The following C4BPA variants were observed in gnomAD, a reference collection of about 807,000 sequenced individuals.
C4BPA encodes the protein complement component 4 binding protein alpha, also known as C4b-binding protein alpha chain.
In C4BPA, 31 loss-of-function variants were observed where a neutral mutation model predicts 63.7. The ratio of observed to expected loss-of-function variants is 0.49; its 90% CI spans 0.37 to 0.66. C4BPA has a LOEUF of 0.66. Ranked by LOEUF, C4BPA falls within the 30% of genes least tolerant of loss-of-function variation. C4BPA has a pLI of 0.00. For missense variants in C4BPA, 572 were observed against 723.3 expected, an observed-to-expected ratio of 0.79 and a Z score of 2.40; for synonymous variants, 259 against 254.7, an observed-to-expected ratio of 1.02 and a Z score of -0.16.
chr1:207,111,174 G>A (rs1684660585), intron 1 of C4BPA, among the ~76,000 whole-genome samples: 1 of 152,210 alleles, frequency 6.6e-6, no homozygotes, highest in African/African-American at 2.4e-5. Context: ...ACAAGATTGT[G>A]AGGGCAGAGA....
intron 4 of C4BPA, among the ~76,000 whole-genome samples, chr1:207,117,407 T>G (rs1041185504): frequency 6.6e-6 from 1 of 152,176 alleles, no homozygotes; most frequent in African/African-American, 2.4e-5. Flanking sequence ...GCCATGATAG[T>G]GCCACTGCAC....
At chr1:207,121,586 C>G (rs1376729931) in intron 4 of C4BPA, among the ~76,000 whole-genome samples, 3 of 151,902 alleles carry the variant, frequency 2.0e-5, no homozygotes, top group Non-Finnish European at 4.4e-5. Flanking sequence ...TAGGAGTTTA[C>G]ATTTATTGAT....
intron 1 of C4BPA, among the ~76,000 whole-genome samples, chr1:207,106,319 C>A (rs188224313): frequency 6.6e-6 from 1 of 152,272 alleles, no homozygotes; most frequent in Admixed American, 6.5e-5. Flanking sequence ...GCATTTCACA[C>A]ACATTATTTC....
chr1:207,126,932 A>C (rs757955671), intron 7 of C4BPA, 37 bp downstream of exon 7: 2 of 1,538,012 alleles, frequency 1.3e-6, no homozygotes, highest in Non-Finnish European at 1.8e-6. Flanking sequence ...AATGTTTGGC[A>C]TCTAAAGGTA....
At chr1:207,137,796 T>G (rs1685320115) in intron 9 of C4BPA, among the ~76,000 whole-genome samples, 1 of 152,164 alleles carries the variant, frequency 6.6e-6, no homozygotes, top group Admixed American at 6.5e-5. Context: ...TTTTGTATTT[T>G]TAGTAGAGAC....
In C4BPA at chr1:207,132,450, G is replaced by A. The variant is rs575141451; in HGVS notation, c.1084+710G>A. ...CCACTTTAGAGGTGAAGACACTGAG[G>A]CCAAGAATACAGGGAATTTTATGCT... On this transcript the variant is annotated intron_variant, in intron 8 of 11. Transcript: ENST00000367070. Among the ~76,000 whole-genome samples the A allele has an allele frequency of 1.1e-3, 169 of 152,232 alleles. 1 individual carries two copies. Among genetic ancestry groups the A allele is most frequent in the African/African-American group, 4.0e-3 (165 of 41,542 alleles).
intron 4 of C4BPA, among the ~76,000 whole-genome samples, chr1:207,118,856 C>T (rs923252833): frequency 1.3e-5 from 2 of 152,044 alleles, no homozygotes; most frequent in African/African-American, 2.4e-5. Flanking sequence ...TCAGGATTTA[C>T]CTGGAGAAAT....
chr1:207,126,884 C>T lies in C4BPA; in HGVS notation c.878C>T (p.Ala293Val). ...ADSKWNPSPP[A>V]CEPNSCINLP... ...AGCAAATGGAATCCTTCTCCTCCTG[C>T]TTGTGAGCCCAGTAAGTATGGACTG... is the stretch of plus-strand genomic sequence containing the variant. Residue 293 changes from alanine to valine, a missense_variant, in exon 7 of 12, where the codon GCT becomes GTT. Transcript: ENST00000367070. 2 of 1,612,036 alleles carry T rather than the reference C, an allele frequency of 1.2e-6. No individual in the cohort carries two copies. The highest frequency in any genetic ancestry group is 1.7e-4 in the Middle Eastern group (1 of 6,056).
Position 207,144,945 on chromosome 1 carries a change from C to A in C4BPA, c.*228C>A. On this transcript the variant is annotated 3_prime_UTR_variant, in exon 12 of 12. Coordinates refer to ENST00000367070, the MANE Select transcript of C4BPA (RefSeq NM_000715.4). ...AACACACAAAGCACAAATTTTTTTT[C>A]GATTAAAAATGTATGTATAAAAAAC... 1 of 277,696 alleles carries A rather than the reference C, an allele frequency of 3.6e-6. No homozygotes were observed. The highest frequency in any genetic ancestry group is 6.7e-6 in the Non-Finnish European group (1 of 150,264). The allele number at this position is 277,696 out of a possible 1,614,324, so 17.2% of individuals were successfully genotyped here.
At chr1:207,115,165 T>C (rs1572777747) in intron 3 of C4BPA, among the ~76,000 whole-genome samples, 1 of 152,216 alleles carries the variant, frequency 6.6e-6, no homozygotes, top group East Asian at 1.9e-4. Context: ...GCTTATTAAG[T>C]CCTGGACCAC....
chr1:207,143,247 AC>A (rs1685459040), intron 10 of C4BPA, among the ~76,000 whole-genome samples: 2 of 151,356 alleles, frequency 1.3e-5, no homozygotes, highest in South Asian at 4.2e-4. Context: ...AGAAAACCAA[AC>A]ACCACATGTT....
At chr1:207,130,014 C>T (rs1487501337) in intron 7 of C4BPA, among the ~76,000 whole-genome samples, 1 of 152,010 alleles carries the variant, frequency 6.6e-6, no homozygotes, top group Non-Finnish European at 1.5e-5. Flanking sequence ...ATGTTATAGG[C>T]TTAATAATGC....
chr1:207,124,969 A>G (rs1457898786), intron 6 of C4BPA, among the ~76,000 whole-genome samples: 1 of 152,238 alleles, frequency 6.6e-6, no homozygotes, highest in Non-Finnish European at 1.5e-5. Context: ...GATGAAACAC[A>G]TATGCCTGTA....
At position 207,144,765 on chromosome 1, in the gene C4BPA, G is replaced by A; in HGVS notation, c.*48G>A. 2 of 1,364,978 alleles carry A rather than the reference G, an allele frequency of 1.5e-6. No individual in the cohort carries two copies. The highest frequency in any genetic ancestry group is 1.0e-6 in the Non-Finnish European group (1 of 985,834). 84.6% of individuals were successfully genotyped at this position (1,364,978 alleles called of 1,614,324 possible). ...AAGGTGTCTTGCTGGCTTGCCTCTT[G>A]CAATTCAATACAGATCAGTTTAGCA... On this transcript the variant is annotated 3_prime_UTR_variant, in exon 12 of 12. Coordinates refer to ENST00000367070, the MANE Select transcript of C4BPA (RefSeq NM_000715.4).
At chr1:207,137,280 A>G (rs1015504504) in intron 9 of C4BPA, among the ~76,000 whole-genome samples, 1 of 152,270 alleles carries the variant, frequency 6.6e-6, no homozygotes, top group Non-Finnish European at 1.5e-5. Context: ...TGTCTGAGAC[A>G]GGTCTCAATC....
At position 207,144,784 on chromosome 1, in the gene C4BPA, T is replaced by A. The variant is rs906852222; in HGVS notation, c.*67T>A. 1 of 1,007,224 alleles carries A rather than the reference T, an allele frequency of 9.9e-7. No individual in the cohort carries two copies. Among genetic ancestry groups the A allele is most frequent in the Non-Finnish European group, 1.4e-6 (1 of 719,352 alleles). The allele number at this position is 1,007,224 out of a possible 1,614,324, so 62.4% of individuals were successfully genotyped here. A position where few individuals can be genotyped will look rare whatever the true frequency, so the allele number is the denominator to read the frequency against. On this transcript the variant is annotated 3_prime_UTR_variant, in exon 12 of 12. Coordinates refer to ENST00000367070, the MANE Select transcript of C4BPA (RefSeq NM_000715.4). ...CCTCTTGCAATTCAATACAGATCAGTTTAGCAAATCTACTGTCAATTTGGC... is the reference window on the plus strand; with the variant it reads ...CCTCTTGCAATTCAATACAGATCAGATTAGCAAATCTACTGTCAATTTGGC...
chr1:207,140,756 C>T (rs1685396976), intron 9 of C4BPA, among the ~76,000 whole-genome samples: 4 of 152,264 alleles, frequency 2.6e-5, no homozygotes, highest in Middle Eastern at 3.4e-3. Context: ...CTCACAGATG[C>T]AAATCTCTGC....
At chr1:207,137,806 C>G (rs1685320290) in intron 9 of C4BPA, among the ~76,000 whole-genome samples, 1 of 152,086 alleles carries the variant, frequency 6.6e-6, no homozygotes, top group Non-Finnish European at 1.5e-5. Flanking sequence ...TTAGTAGAGA[C>G]AGCGTTTCAC....
intron 8 of C4BPA, among the ~76,000 whole-genome samples, chr1:207,133,207 A>G (rs983489202): frequency 2.6e-5 from 4 of 152,220 alleles, no homozygotes; most frequent in Admixed American, 6.5e-5. Flanking sequence ...CATTTCATAA[A>G]TATTATTGTT....
Sources: gnomAD v4.1 joint callset for allele counts (sites outside exome capture counted in the v4.1 genomes callset) on GRCh38, gnomAD v4.1.1 for gene constraint, MANE v1.5 for transcripts, NCBI Gene and HGNC (gene_info 2026-07-23, HGNC 2026-07-21) for gene names.